LRGUK: variants seen among roughly 807,000 people sequenced by gnomAD.
LRGUK encodes leucine rich repeats and guanylate kinase domain containing.
LRGUK carries 65 observed loss-of-function variants against 76.0 expected under a neutral mutation model. The ratio of observed to expected loss-of-function variants is 0.85; its 90% CI spans 0.70 to 1.05. LRGUK has a LOEUF of 1.05. LRGUK is among the 50% of genes least tolerant of loss of function. The probability of loss-of-function intolerance (pLI) is 0.00; values close to 1 mark genes in which losing one functional copy is unlikely to be tolerated. For missense variants in LRGUK, 758 were observed against 732.8 expected, an observed-to-expected ratio of 1.03 and a Z score of -0.40; for synonymous variants, 268 against 265.6, an observed-to-expected ratio of 1.01 and a Z score of -0.09.
At chr7:134,256,805 TCA>T (rs2117222675) in intron 18 of LRGUK, among the ~76,000 whole-genome samples, 1 of 152,276 alleles carries the variant, frequency 6.6e-6, no homozygotes, top group East Asian at 1.9e-4. Context: ...CCTTCATATC[TCA>T]GTTTTTGTAA....
intron 18 of LRGUK, among the ~76,000 whole-genome samples, chr7:134,257,330 T>G (rs1802610069): frequency 6.6e-6 from 1 of 152,180 alleles, no homozygotes; most frequent in Admixed American, 6.5e-5. Context: ...TAGAAGTGCC[T>G]GTAAACAAGG....
At chr7:134,178,178 G>A (rs1799563924) in intron 9 of LRGUK, among the ~76,000 whole-genome samples, 1 of 152,080 alleles carries the variant, frequency 6.6e-6, no homozygotes, top group African/African-American at 2.4e-5. Context: ...GTAATCATGG[G>A]CTTTAGAGGG....
At chr7:134,219,492 T>C (rs933995238) in intron 15 of LRGUK, among the ~76,000 whole-genome samples, 5 of 152,246 alleles carry the variant, frequency 3.3e-5, no homozygotes, top group African/African-American at 1.2e-4. Context: ...AATAAAGTTT[T>C]ATGTATTATG....
chr7:134,268,149 G>A (rs1427339330), downstream of LRGUK, among the ~76,000 whole-genome samples: 3 of 152,002 alleles, frequency 2.0e-5, no homozygotes, highest in Non-Finnish European at 2.9e-5. Context: ...AATGAAAGTG[G>A]AAAAACAGTA....
intron 16 of LRGUK, among the ~76,000 whole-genome samples, chr7:134,242,489 CAAGACTAAACCAGG>C (rs767217753): frequency 2.6e-5 from 4 of 152,120 alleles, no homozygotes; most frequent in Non-Finnish European, 5.9e-5. Flanking sequence ...TACACCCTCC[CAAGACTAAACCAGG>C]AAGAAGCTGA....
chr7:134,218,866 A>G (rs746696643), intron 15 of LRGUK, among the ~76,000 whole-genome samples: 59 of 152,236 alleles, frequency 3.9e-4, no homozygotes, highest in Non-Finnish European at 6.2e-4. Context: ...AATTTGAAAC[A>G]TGGTTCCAGT....
exon 16 of LRGUK, chr7:134,209,703 G>C (rs1166679313): frequency 7.5e-6 from 3 of 399,510 alleles, no homozygotes; most frequent in Non-Finnish European, 1.3e-5. Flanking sequence ...GCAGACACCA[G>C]TAAACTTCCT....
intron 16 of LRGUK, among the ~76,000 whole-genome samples, chr7:134,244,102 GA>G (rs1173181961): frequency 1.3e-5 from 2 of 152,070 alleles, no homozygotes; most frequent in Admixed American, 6.5e-5. Flanking sequence ...AAAAATCCTA[GA>G]AAAAAACCTA....
At chr7:134,172,503 A>T (rs1001490962) in intron 7 of LRGUK, among the ~76,000 whole-genome samples, 1 of 152,204 alleles carries the variant, frequency 6.6e-6, no homozygotes, top group Non-Finnish European at 1.5e-5. Context: ...AAACCCCTTG[A>T]AGTGGGAGAA....
intron 16 of LRGUK, among the ~76,000 whole-genome samples, chr7:134,226,316 G>A (rs1801761579): frequency 6.6e-6 from 1 of 150,850 alleles, no homozygotes; most frequent in Admixed American, 6.6e-5. Flanking sequence ...GTTAAAGATT[G>A]CATTCTTTCT....
At chr7:134,133,417 G>A (rs906363547) in intron 1 of LRGUK, among the ~76,000 whole-genome samples, 1 of 152,084 alleles carries the variant, frequency 6.6e-6, no homozygotes, top group African/African-American at 2.4e-5. Flanking sequence ...GACATACAAT[G>A]GGGGCCCTGC....
intron 18 of LRGUK, among the ~76,000 whole-genome samples, 185 bp from the exon 19 acceptor site, chr7:134,258,072 A>G (rs1802628817): frequency 6.6e-6 from 1 of 152,200 alleles, no homozygotes. Flanking sequence ...ATACTTTAAG[A>G]GATGTCAGCT....
intron 7 of LRGUK, among the ~76,000 whole-genome samples, chr7:134,168,234 G>A (rs545832157): frequency 2.0e-5 from 3 of 152,046 alleles, no homozygotes; most frequent in Non-Finnish European, 4.4e-5. Flanking sequence ...GCATGGTGAC[G>A]TGTGCCTGTA....
intron 5 of LRGUK, 40 bp from the exon 6 acceptor site, chr7:134,157,994 CT>C: frequency 6.4e-7 from 1 of 1,571,128 alleles, no homozygotes; most frequent in Non-Finnish European, 8.7e-7. Flanking sequence ...CTTCCAAATG[CT>C]TTTAATAACA....
At chr7:134,269,483 G>C (rs1348535570), downstream of LRGUK, among the ~76,000 whole-genome samples, 1 of 151,086 alleles carries the variant, frequency 6.6e-6, no homozygotes, top group Non-Finnish European at 1.5e-5. Context: ...CTCCCAACTA[G>C]CTGGGAATAC....
At chr7:134,223,833 G>A (rs1801663351) in intron 16 of LRGUK, among the ~76,000 whole-genome samples, 1 of 152,164 alleles carries the variant, frequency 6.6e-6, no homozygotes, top group African/African-American at 2.4e-5. Context: ...TGTTGCATAG[G>A]CTGGCCTTGA....
Position 134,127,699 on chromosome 7 carries a change from C to T in LRGUK, c.297+35C>T, listed in dbSNP as rs1233958266. On this transcript the variant is annotated intron_variant, in intron 1 of 15. Transcript: ENST00000645682. ...CCCCCCCACCCCGTACTCCCTGGCT[C>T]CCTCGTCCAGCCCTGTTACTTCAGC... is the stretch of plus-strand genomic sequence containing the variant. 6 of 1,582,198 alleles carry T rather than the reference C, an allele frequency of 3.8e-6. No homozygotes were observed. The African/African-American group carries it at 6.7e-5, about 18-fold the overall frequency.
intron 12 of LRGUK, among the ~76,000 whole-genome samples, chr7:134,193,939 G>A (rs1021752762): frequency 1.3e-5 from 2 of 151,984 alleles, no homozygotes; most frequent in Non-Finnish European, 2.9e-5. Context: ...CCCCACACAG[G>A]GGCCTCCTCT....
intron 2 of LRGUK, among the ~76,000 whole-genome samples, chr7:134,137,834 A>T (rs1797599485): frequency 1.3e-5 from 2 of 150,986 alleles, no homozygotes; most frequent in South Asian, 4.3e-4. Context: ...AGATCCACAG[A>T]GTAAATTTAG....
Sources: gnomAD v4.1 joint callset for allele counts (sites outside exome capture counted in the v4.1 genomes callset) on GRCh38, gnomAD v4.1.1 for gene constraint, MANE v1.5 for transcripts, NCBI Gene and HGNC (gene_info 2026-07-23, HGNC 2026-07-21) for gene names.